The following CCDC149 variants were observed in gnomAD, a reference collection of about 807,000 sequenced individuals.
CCDC149 encodes the protein coiled-coil domain containing 149, also known as coiled-coil domain-containing protein 149.
CCDC149 carries 45 observed loss-of-function variants against 59.9 expected under a neutral mutation model. The ratio of observed to expected loss-of-function variants is 0.75; its 90% CI spans 0.59 to 0.96. The LOEUF (loss-of-function observed/expected upper bound fraction) is 0.96. Ranked by LOEUF, CCDC149 falls within the 40% of genes least tolerant of loss-of-function variation. The pLI is 0.00. For missense variants in CCDC149, 584 were observed against 664.7 expected (o/e 0.88, Z 1.33); for synonymous variants, 245 against 260.6 (o/e 0.94, Z 0.58).
chr4:24,969,855 G>T (rs543784113), intron 1 of CCDC149, among the ~76,000 whole-genome samples: 1 of 152,208 alleles, frequency 6.6e-6, no homozygotes, highest in Non-Finnish European at 1.5e-5. Flanking sequence ...AGCTCCCTTG[G>T]GGGAGGGCCT....
chr4:24,869,008 G>A (rs1429158484), intron 3 of CCDC149, among the ~76,000 whole-genome samples: 1 of 152,214 alleles, frequency 6.6e-6, no homozygotes, highest in Non-Finnish European at 1.5e-5. Flanking sequence ...ACAGCAAAAT[G>A]TCCAGCACAG....
intron 1 of CCDC149, among the ~76,000 whole-genome samples, chr4:24,955,179 A>G (rs930094085): frequency 1.3e-5 from 2 of 152,194 alleles, no homozygotes; most frequent in African/African-American, 4.8e-5. Flanking sequence ...GTCCAGGATC[A>G]AGGCACTAGC....
intron 12 of CCDC149, among the ~76,000 whole-genome samples, chr4:24,810,000 G>A (rs1714490088): frequency 6.6e-6 from 1 of 152,164 alleles, no homozygotes; most frequent in African/African-American, 2.4e-5. Flanking sequence ...GCCCTTACAA[G>A]GTCCTGCTGA....
rs57205804 is a variant in CCDC149 at position 24,931,829 on chromosome 4, GTATATA to G, written c.-64-36717_-64-36712del. Among the ~76,000 whole-genome samples, 182 of 76,918 alleles carry G rather than the reference GTATATA, an allele frequency of 2.4e-3. 9 individuals carry two copies. Among genetic ancestry groups the G allele is most frequent in the Middle Eastern group, 0.013 (2 of 150 alleles). The allele number at this position is 76,918 out of a possible 152,430, so 50.5% of individuals were successfully genotyped here. ...CTCCCTTATATTGTATGGAGAGTAT[GTATATA>G]TATATATATATATATATGCATAATC... On this transcript the variant is annotated intron_variant, in intron 1 of 12. Coordinates refer to the CCDC149 transcript ENST00000389609.
intron 1 of CCDC149, among the ~76,000 whole-genome samples, chr4:24,957,355 A>G (rs1723494004): frequency 6.6e-6 from 1 of 152,196 alleles, no homozygotes; most frequent in African/African-American, 2.4e-5. Context: ...CTCCTCTTTA[A>G]GCTCACATGT....
chr4:24,978,917 C>T (rs975053193), intron 1 of CCDC149, among the ~76,000 whole-genome samples: 4 of 152,212 alleles, frequency 2.6e-5, no homozygotes, highest in South Asian at 2.1e-4. Context: ...GGTTGTCCAA[C>T]ACTCATGGCT....
At chr4:24,938,218 A>C (rs562455526) in intron 1 of CCDC149, among the ~76,000 whole-genome samples, 69 of 152,360 alleles carry the variant, frequency 4.5e-4, no homozygotes, top group African/African-American at 1.6e-3. Flanking sequence ...GAAACGACAG[A>C]GAGCCCTGAT....
chr4:24,870,881 T>G (rs1718996783), intron 3 of CCDC149, among the ~76,000 whole-genome samples: 1 of 151,786 alleles, frequency 6.6e-6, no homozygotes, highest in South Asian at 2.1e-4. Context: ...CCATCTCTAC[T>G]AAAAATACAA....
intron 1 of CCDC149, among the ~76,000 whole-genome samples, chr4:24,920,367 G>A (rs1405989008): frequency 6.6e-6 from 1 of 152,254 alleles, no homozygotes; most frequent in East Asian, 1.9e-4. Context: ...CCCGCCTCAT[G>A]TCTTTTCATG....
chr4:24,931,825 G>GTATGTATATA (rs1309813239), intron 1 of CCDC149, among the ~76,000 whole-genome samples: 83 of 70,298 alleles, frequency 1.2e-3, no homozygotes, highest in East Asian at 7.3e-3. Flanking sequence ...TGTATGGAGA[G>GTATGTATATA]TATGTATATA....
intron 1 of CCDC149, among the ~76,000 whole-genome samples, chr4:24,890,999 A>T (rs771787997): frequency 1.3e-5 from 2 of 152,262 alleles, no homozygotes; most frequent in African/African-American, 4.8e-5. Flanking sequence ...CGCCTGCAGC[A>T]TGCAGGCCTC....
chr4:24,818,689 T>A (rs1204342908), intron 12 of CCDC149, among the ~76,000 whole-genome samples: 2 of 152,294 alleles, frequency 1.3e-5, no homozygotes, highest in East Asian at 1.9e-4. Context: ...CCACACCACA[T>A]GAACAGCGTG....
rs1716669893 is a variant in CCDC149, at chr4:24,838,199, T to A, written c.446A>T (p.Glu149Val). 1.2e-6 allele frequency: 2 copies of A among 1,614,094 alleles called. No homozygotes were observed. The highest frequency in any genetic ancestry group is 2.2e-5 in the East Asian group (1 of 44,894). Reference sequence around the variant, plus strand: ...TAGCTGCTGCACCAAGTCTTCACGCTCATGGGCTGCAAAGTGTCGCACGCC... The same window carrying A: ...TAGCTGCTGCACCAAGTCTTCACGCACATGGGCTGCAAAGTGTCGCACGCC... The change falls in exon 5 of 13, where the codon GAG (glutamate) becomes GTG (valine). Residue 149 changes from glutamate (E) to valine (V), a missense_variant. By Grantham distance (121) the Glu-to-Val change is moderately radical. Transcript: ENST00000635206.
chr4:24,953,396 T>C (rs1156440115), intron 1 of CCDC149, among the ~76,000 whole-genome samples: 2 of 152,186 alleles, frequency 1.3e-5, no homozygotes, highest in Non-Finnish European at 2.9e-5. Context: ...TTTTGTCTTT[T>C]CTGCCTTTTG....
intron 1 of CCDC149, among the ~76,000 whole-genome samples, chr4:24,926,393 C>A (rs1722434230): frequency 6.6e-6 from 1 of 152,212 alleles, no homozygotes; most frequent in African/African-American, 2.4e-5. Flanking sequence ...AAGGACCTCC[C>A]TTTCCTGGGT....
At chr4:24,862,398 A>G (rs1197062712) in intron 3 of CCDC149, among the ~76,000 whole-genome samples, 1 of 152,174 alleles carries the variant, frequency 6.6e-6, no homozygotes, top group African/African-American at 2.4e-5. Context: ...AGTTCTGCCC[A>G]AAAAGAGCAG....
intron 1 of CCDC149, among the ~76,000 whole-genome samples, chr4:24,931,932 A>T (rs532107408): frequency 6.7e-6 from 1 of 149,808 alleles, no homozygotes; most frequent in African/African-American, 2.5e-5. Context: ...TTATTAACTC[A>T]TTTAAATCCT....
At chr4:24,901,669 C>T (rs1382013668) in intron 1 of CCDC149, among the ~76,000 whole-genome samples, 1 of 152,164 alleles carries the variant, frequency 6.6e-6, no homozygotes, top group Non-Finnish European at 1.5e-5. Context: ...AAGCACTAAT[C>T]TTCCTTCCCA....
chr4:24,820,908 T>G, intron 11 of CCDC149, 147 bp downstream of exon 11: 1 of 430,974 alleles, frequency 2.3e-6, no homozygotes, highest in East Asian at 3.6e-5. Context: ...TGTTTTGTAC[T>G]AATTGAATTC....
Sources: gnomAD v4.1 joint callset for allele counts (sites outside exome capture counted in the v4.1 genomes callset) on GRCh38, gnomAD v4.1.1 for gene constraint, MANE v1.5 for transcripts, NCBI Gene and HGNC (gene_info 2026-07-23, HGNC 2026-07-21) for gene names.